The following HDAC9 variants were observed in gnomAD, a reference collection of about 807,000 sequenced individuals.
The protein encoded by HDAC9 is histone deacetylase 9, also known as MEF-2 interacting transcription repressor (MITR) protein.
HDAC9 carries 41 observed loss-of-function variants against 139.4 expected under a neutral mutation model. The ratio of observed to expected loss-of-function variants is 0.29; its 90% confidence interval spans 0.23 to 0.38. The LOEUF (loss-of-function observed/expected upper bound fraction) is 0.38. Among genes scored for constraint, HDAC9 ranks in the 10% least tolerant of loss-of-function variants. The probability of loss-of-function intolerance (pLI) is 1.00; values close to 1 mark genes in which losing one functional copy is unlikely to be tolerated. For missense variants in HDAC9, 1,147 were observed against 1,297.0 expected, an observed-to-expected ratio of 0.88 and a Z score of 1.78; for synonymous variants, 517 against 476.2, an observed-to-expected ratio of 1.09 and a Z score of -1.12.
chr7:18,372,535 A>G (rs1377558902), intron 1 of HDAC9, among the ~76,000 whole-genome samples: 3 of 152,328 alleles, frequency 2.0e-5, no homozygotes, highest in East Asian at 3.9e-4. Flanking sequence ...CTTGCTTAGT[A>G]TAGACACTTC....
intron 21 of HDAC9, among the ~76,000 whole-genome samples, chr7:18,873,867 C>T (rs185046155): frequency 6.6e-6 from 1 of 152,216 alleles, no homozygotes; most frequent in African/African-American, 2.4e-5. Context: ...GGGTTGCTGT[C>T]ATGGATGAGG....
intron 2 of HDAC9, among the ~76,000 whole-genome samples, chr7:18,175,861 T>C (rs1285903003): frequency 6.7e-6 from 1 of 149,240 alleles, no homozygotes. Flanking sequence ...CACATATCAT[T>C]GCATAATTAA....
upstream of HDAC9, among the ~76,000 whole-genome samples, chr7:18,491,381 A>C (rs1796353485): frequency 6.6e-6 from 1 of 151,980 alleles, no homozygotes; most frequent in East Asian, 1.9e-4. Context: ...GATGCAGACA[A>C]ACCGTATTTA....
At chr7:18,923,187 T>C (rs892962684) in intron 22 of HDAC9, among the ~76,000 whole-genome samples, 3 of 152,114 alleles carry the variant, frequency 2.0e-5, no homozygotes, top group African/African-American at 7.2e-5. Context: ...AATAAAGTGC[T>C]ACTTTTTTTA....
intron 1 of HDAC9, among the ~76,000 whole-genome samples, chr7:18,414,191 G>C (rs972359336): frequency 6.6e-6 from 1 of 152,018 alleles, no homozygotes; most frequent in Non-Finnish European, 1.5e-5. Flanking sequence ...AAAAATATTT[G>C]AGATAAGCAG....
At chr7:18,350,677 G>A (rs987767247) in intron 1 of HDAC9, among the ~76,000 whole-genome samples, 3 of 152,084 alleles carry the variant, frequency 2.0e-5, no homozygotes, top group African/African-American at 7.2e-5. Flanking sequence ...TAGCTGTAAG[G>A]GAAAAATCCA....
At chr7:18,253,648 C>G (rs1026881316) in intron 2 of HDAC9, among the ~76,000 whole-genome samples, 6 of 152,186 alleles carry the variant, frequency 3.9e-5, no homozygotes, top group Admixed American at 3.3e-4. Context: ...TTATTTCTCA[C>G]CATGTCACCA....
chr7:18,151,135 A>G (rs1356180575), intron 1 of HDAC9, among the ~76,000 whole-genome samples: 1 of 152,236 alleles, frequency 6.6e-6, no homozygotes, highest in Non-Finnish European at 1.5e-5. Flanking sequence ...ACATTAATAG[A>G]AATAATAGAA....
At chr7:18,128,921 C>T (rs112338473) in intron 1 of HDAC9, among the ~76,000 whole-genome samples, 5 of 152,104 alleles carry the variant, frequency 3.3e-5, no homozygotes, top group African/African-American at 1.2e-4. Flanking sequence ...CTCTAACAGG[C>T]TGAGAACAGG....
At chr7:18,505,953 T>C (rs997958948) in intron 2 of HDAC9, 5 of 152,348 alleles carry the variant, frequency 3.3e-5, no homozygotes, top group African/African-American at 9.6e-5. Flanking sequence ...TTCTATCTTA[T>C]GGCATCGCAG....
intron 11 of HDAC9, among the ~76,000 whole-genome samples, chr7:18,665,351 C>A (rs576320838): frequency 6.6e-6 from 1 of 152,082 alleles, no homozygotes; most frequent in Non-Finnish European, 1.5e-5. Flanking sequence ...CAGTGTGAGA[C>A]AAAATAATCT....
chr7:18,111,936 A>G (rs1256177387), intron 1 of HDAC9, among the ~76,000 whole-genome samples: 1 of 152,188 alleles, frequency 6.6e-6, no homozygotes, highest in African/African-American at 2.4e-5. Flanking sequence ...TGCTAGATCT[A>G]GCTTATGCTG....
At chr7:18,677,830 T>A (rs1465729806) in intron 12 of HDAC9, among the ~76,000 whole-genome samples, 2 of 151,964 alleles carry the variant, frequency 1.3e-5, no homozygotes, top group East Asian at 1.9e-4. Flanking sequence ...GCAGAATATT[T>A]AAGCACTAAC....
intron 24 of HDAC9, among the ~76,000 whole-genome samples, chr7:18,963,823 G>T (rs1783680929): frequency 6.6e-6 from 1 of 152,166 alleles, no homozygotes; most frequent in South Asian, 2.1e-4. Flanking sequence ...TCATAGAATT[G>T]TTGACTTGCA....
At chr7:18,541,851 A>C (rs1813074770) in intron 2 of HDAC9, among the ~76,000 whole-genome samples, 1 of 152,228 alleles carries the variant, frequency 6.6e-6, no homozygotes, top group South Asian at 2.1e-4. Flanking sequence ...GTAATCCTTT[A>C]TGGTAAATCT....
At chr7:18,417,175 A>G (rs749396270) in intron 1 of HDAC9, among the ~76,000 whole-genome samples, 3 of 152,008 alleles carry the variant, frequency 2.0e-5, no homozygotes, top group Non-Finnish European at 4.4e-5. Flanking sequence ...ATGCCTTCAC[A>G]TTTACTAATC....
chr7:18,714,227 G>A (rs761345888), intron 12 of HDAC9, among the ~76,000 whole-genome samples: 3 of 152,124 alleles, frequency 2.0e-5, no homozygotes, highest in African/African-American at 4.8e-5. Flanking sequence ...TTTAATTTGC[G>A]TAGCAAGGTG....
At chr7:18,610,186 C>G (rs113319954) in intron 6 of HDAC9, among the ~76,000 whole-genome samples, 1 of 152,066 alleles carries the variant, frequency 6.6e-6, no homozygotes, top group Non-Finnish European at 1.5e-5. Flanking sequence ...ATTAAGAACT[C>G]GTTAATTTTT....
At chr7:18,699,257 G>T (rs543736323) in intron 12 of HDAC9, among the ~76,000 whole-genome samples, 1 of 152,224 alleles carries the variant, frequency 6.6e-6, no homozygotes, top group South Asian at 2.1e-4. Flanking sequence ...TCTTTCCATG[G>T]CTTAGACAGG....
Sources: gnomAD v4.1 joint callset for allele counts (sites outside exome capture counted in the v4.1 genomes callset) on GRCh38, gnomAD v4.1.1 for gene constraint, MANE v1.5 for transcripts, NCBI Gene and HGNC (gene_info 2026-07-23, HGNC 2026-07-21) for gene names.